The following FBXL2 variants were observed in gnomAD, a reference collection of about 807,000 sequenced individuals.
FBXL2 encodes the protein F-box/LRR-repeat protein 2.
A neutral mutation model predicts 69.2 loss-of-function variants in FBXL2; 38 were observed. The observed-to-expected ratio is 0.55, with a 90% CI of 0.42 to 0.72. The LOEUF (loss-of-function observed/expected upper bound fraction) is 0.72, where lower values mean the gene tolerates loss of function less well. FBXL2 is among the 30% of genes least tolerant of loss of function. The pLI, the probability that FBXL2 is intolerant of heterozygous loss-of-function variation, is 0.00. For missense variants in FBXL2, 354 were observed against 520.3 expected (o/e 0.68, Z 3.11); for synonymous variants, 192 against 201.3 (o/e 0.95, Z 0.39).
chr3:33,411,664 T>C, the FBXL2 span: 1 of 1,614,102 alleles, frequency 6.2e-7, no homozygotes, highest in Non-Finnish European at 8.5e-7. Flanking sequence ...CTTGTGTCAA[T>C]TATTCCCACA....
At chr3:33,417,708 A>G in the FBXL2 span, among the ~76,000 whole-genome samples, 4 of 152,238 alleles carry the variant, frequency 2.6e-5, no homozygotes, top group Non-Finnish European at 5.9e-5. Flanking sequence ...ATTATCTGTT[A>G]TTAAATAATA....
Position 33,277,503 on chromosome 3 carries a change from C to G in FBXL2, c.-10C>G, listed in dbSNP as rs374203728. 1 of 1,300,674 alleles carries G rather than the reference C, an allele frequency of 7.7e-7. No individual in the cohort carries two copies. Among genetic ancestry groups the G allele is most frequent in the Non-Finnish European group, 9.8e-7 (1 of 1,015,682 alleles). The allele number at this position is 1,300,674 out of a possible 1,614,324, so 80.6% of individuals were successfully genotyped here. A position where few individuals can be genotyped will look rare whatever the true frequency, so the allele number is the denominator to read the frequency against. On this transcript the variant is annotated 5_prime_UTR_variant, in exon 1 of 15. Coordinates refer to ENST00000484457, the MANE Select transcript of FBXL2 (RefSeq NM_012157.5). ...CTTCGGGCTGTGGGCTCGCTCGCGG[C>G]TCTTCGGCCATGGTGAGTCTGGGAC...
At chr3:33,372,514 A>C (rs377623631) in intron 5 of FBXL2, 2 of 158,492 alleles carry the variant, frequency 1.3e-5, no homozygotes, top group African/African-American at 4.8e-5. Flanking sequence ...AGGGCGTTTT[A>C]ATGTGCTGCT....
chr3:33,313,615 G>GTTTTTTTT (rs766273521), intron 2 of FBXL2, among the ~76,000 whole-genome samples: 4 of 148,372 alleles, frequency 2.7e-5, no homozygotes, highest in Non-Finnish European at 5.9e-5. Context: ...TCAGATAATT[G>GTTTTTTTT]TTTTATTTTT....
intron 5 of FBXL2, 44 bp downstream of exon 5, chr3:33,364,763 T>C (rs1027428247): frequency 3.3e-6 from 5 of 1,498,616 alleles, no homozygotes; most frequent in African/African-American, 2.8e-5. Context: ...GCTTGTAGCA[T>C]TTTCATCAGC....
exon 13 of FBXL2, chr3:33,403,584 GTCTA>G (rs71070138): frequency 1.3e-5 from 2 of 148,994 alleles, no homozygotes; most frequent in African/African-American, 5.0e-5. Flanking sequence ...CTGTCTGTCT[GTCTA>G]TCTATCTATC....
At chr3:33,362,647 C>T (rs2041705803) in intron 4 of FBXL2, among the ~76,000 whole-genome samples, 1 of 152,138 alleles carries the variant, frequency 6.6e-6, no homozygotes, top group African/African-American at 2.4e-5. Context: ...TTGTTCAATT[C>T]CCTGTATACA....
chr3:33,301,482 C>T (rs949935687), intron 2 of FBXL2, among the ~76,000 whole-genome samples: 1 of 152,186 alleles, frequency 6.6e-6, no homozygotes, highest in South Asian at 2.1e-4. Flanking sequence ...TGCTGCTTTT[C>T]ATCTCTCTGT....
chr3:33,277,557 C>G, intron 1 of FBXL2, 42 bp downstream of exon 1: 29 of 1,265,004 alleles, frequency 2.3e-5, no homozygotes, highest in Non-Finnish European at 2.8e-5. Context: ...CCCGCCCTAC[C>G]CCTACCGGGC....
chr3:33,390,499 C>T, downstream of FBXL2: 1 of 946,830 alleles, frequency 1.1e-6, no homozygotes, highest in South Asian at 1.6e-5. Context: ...TCTAGAGAAA[C>T]AAGCAGATTA....
the FBXL2 span, among the ~76,000 whole-genome samples, chr3:33,414,548 G>A: frequency 1.3e-5 from 2 of 152,076 alleles, no homozygotes; most frequent in Non-Finnish European, 1.5e-5. Flanking sequence ...GATCCCCAAG[G>A]TTCCCCCACA....
intron 2 of FBXL2, among the ~76,000 whole-genome samples, chr3:33,330,708 C>G (rs2039079651): frequency 6.6e-6 from 1 of 152,036 alleles, no homozygotes. Flanking sequence ...GCCAGCATGG[C>G]AAAACCCTGT....
At chr3:33,391,060 C>T (rs561830323), downstream of FBXL2, 10 of 152,384 alleles carry the variant, frequency 6.6e-5, no homozygotes, top group Admixed American at 3.3e-4. Flanking sequence ...AAGGTAAAAA[C>T]TGTACTGCTG....
the FBXL2 span, among the ~76,000 whole-genome samples, chr3:33,418,574 T>C: frequency 0.11 from 16,019 of 151,694 alleles, 929 homozygotes; most frequent in Admixed American, 0.16. Context: ...AAGTATTTAA[T>C]TAGGCTGCGC....
At chr3:33,379,253 C>T (rs1388610621) in intron 13 of FBXL2, among the ~76,000 whole-genome samples, 1 of 151,688 alleles carries the variant, frequency 6.6e-6, no homozygotes, top group African/African-American at 2.4e-5. Context: ...CTGCCTGCCT[C>T]AGCCTCCCAA....
At chr3:33,375,218 C>T in intron 9 of FBXL2, 70 bp from the exon 10 acceptor site, 1 of 1,574,196 alleles carries the variant, frequency 6.4e-7, no homozygotes, top group Non-Finnish European at 8.7e-7. Flanking sequence ...ACAGCAGATA[C>T]TTTTCTGCTG....
intron 5 of FBXL2, chr3:33,372,856 A>T (rs1429449285): frequency 1.7e-6 from 1 of 592,534 alleles, no homozygotes; most frequent in African/African-American, 1.9e-5. Context: ...GCTTCTCAAA[A>T]CGTGGTCCCT....
intron 2 of FBXL2, among the ~76,000 whole-genome samples, chr3:33,317,004 C>T (rs1487243504): frequency 2.6e-5 from 4 of 151,892 alleles, no homozygotes; most frequent in Non-Finnish European, 4.4e-5. Context: ...TGGGTTCAAG[C>T]GATCCTCCCA....
intron 12 of FBXL2, among the ~76,000 whole-genome samples, chr3:33,400,606 G>A (rs1479083673): frequency 1.3e-5 from 2 of 152,098 alleles, no homozygotes; most frequent in Admixed American, 6.5e-5. Flanking sequence ...TTATATGTGG[G>A]AACTAAAAAA....
Sources: gnomAD v4.1 joint callset for allele counts (sites outside exome capture counted in the v4.1 genomes callset) on GRCh38, gnomAD v4.1.1 for gene constraint, MANE v1.5 for transcripts, NCBI Gene and HGNC (gene_info 2026-07-23, HGNC 2026-07-21) for gene names.